The following EFCAB10 variants were observed in gnomAD, a reference collection of about 807,000 sequenced individuals.
The protein encoded by EFCAB10 is EF-hand calcium binding domain 10.
A neutral mutation model predicts 7.7 loss-of-function variants in EFCAB10; 7 were observed. The observed-to-expected ratio is 0.91, with a 90% CI of 0.52 to 1.72. The LOEUF (loss-of-function observed/expected upper bound fraction) is 1.72, where lower values mean the gene tolerates loss of function less well. Among genes scored for constraint, EFCAB10 ranks in the 40% most tolerant of loss-of-function variants. The pLI is 0.00. For missense variants in EFCAB10, 112 were observed against 61.5 expected (o/e 1.82, Z -2.74); for synonymous variants, 52 against 21.0 (o/e 2.47, Z -4.03).
intron 1 of EFCAB10, chr7:105,571,096 TA>T (rs1220513298): frequency 6.6e-6 from 1 of 152,172 alleles, no homozygotes; most frequent in African/African-American, 2.4e-5. Flanking sequence ...GACAGAAAAG[TA>T]AAATGAACCC....
rs1208980213 is a variant in EFCAB10, at chr7:105,569,627, A to G, written c.107-56T>C. 4 of 667,110 alleles carry G rather than the reference A, an allele frequency of 6.0e-6. No homozygotes were observed. The Admixed American group carries it at 9.2e-5, about 15-fold the overall frequency. 41.3% of individuals were successfully genotyped at this position (667,110 alleles called of 1,614,324 possible). A position where few individuals can be genotyped will look rare whatever the true frequency, so the allele number is the denominator to read the frequency against. On this transcript the variant is annotated intron_variant, in intron 1 of 4. Transcript: ENST00000480514. ...TACGAAATTAAAATATGTCGCAAAT[A>G]GAAGTAGTCATTTAACAATTATTAA...
At chr7:105,576,031 C>A (rs763335642) in intron 1 of EFCAB10, among the ~76,000 whole-genome samples, 6 of 152,042 alleles carry the variant, frequency 3.9e-5, no homozygotes, top group Non-Finnish European at 7.4e-5. Flanking sequence ...GAGCGAAACT[C>A]CGTCTCAACA....
chr7:105,569,067 C>T (rs1031007328), intron 3 of EFCAB10, 136 bp downstream of exon 3: 49 of 617,316 alleles, frequency 7.9e-5, no homozygotes, highest in Admixed American at 2.9e-5. Context: ...TACCTGTCCT[C>T]ACTTTCCAGT....
At chr7:105,581,010 A>C (rs566836960) in intron 1 of EFCAB10, among the ~76,000 whole-genome samples, 89 of 152,338 alleles carry the variant, frequency 5.8e-4, no homozygotes, top group Non-Finnish European at 9.4e-4. Context: ...ACCTGAGGTC[A>C]GGAGTTCGAG....
chr7:105,574,644 C>T (rs1792031024), intron 1 of EFCAB10, among the ~76,000 whole-genome samples: 1 of 151,912 alleles, frequency 6.6e-6, no homozygotes, highest in Non-Finnish European at 1.5e-5. Context: ...GCCACCATGC[C>T]CGGCTAATTT....
intron 1 of EFCAB10, among the ~76,000 whole-genome samples, chr7:105,570,306 C>G (rs1205520895): frequency 1.5e-5 from 2 of 132,580 alleles, no homozygotes; most frequent in African/African-American, 5.5e-5. Context: ...TACACACACA[C>G]ATATATATAA....
At chr7:105,565,715 CT>C in intron 4 of EFCAB10, 1 of 1,052,940 alleles carries the variant, frequency 9.5e-7, no homozygotes, top group Non-Finnish European at 1.4e-6. Flanking sequence ...CTCCTTTTAA[CT>C]TTAGGGTTCT....
Position 105,565,283 on chromosome 7 carries a change from G to C in EFCAB10, c.*164C>G. The C allele has an allele frequency of 6.3e-7, 1 of 1,585,758 alleles. No individual in the cohort carries two copies. Among genetic ancestry groups the C allele is most frequent in the South Asian group, 1.1e-5 (1 of 87,686 alleles). On this transcript the variant is annotated 3_prime_UTR_variant, in exon 5 of 5. Coordinates refer to ENST00000480514, the MANE Select transcript of EFCAB10 (RefSeq NM_001355526.2). ...AAAAATGTGTTTTTTCCAGATGGTT[G>C]TCCTTGCCATCTCAGTCAGAGCAGG... is the stretch of plus-strand genomic sequence containing the variant.
chr7:105,571,262 C>A (rs1033911720), intron 1 of EFCAB10: 8 of 152,174 alleles, frequency 5.3e-5, no homozygotes, highest in African/African-American at 1.9e-4. Flanking sequence ...TCAGTTGGTT[C>A]ATTTTATGCA....
intron 4 of EFCAB10, among the ~76,000 whole-genome samples, chr7:105,565,997 T>C (rs1342651551): frequency 6.6e-6 from 1 of 152,070 alleles, no homozygotes; most frequent in Non-Finnish European, 1.5e-5. Context: ...GGGCCGGGCG[T>C]GGTGGCTCAC....
At chr7:105,573,701 C>T (rs1287088839) in intron 1 of EFCAB10, 1 of 152,164 alleles carries the variant, frequency 6.6e-6, no homozygotes, top group Non-Finnish European at 1.5e-5. Context: ...TAATAGCTAT[C>T]TGAGCCCTTA....
Position 105,567,181 on chromosome 7 carries a change from T to C in EFCAB10, c.383+286A>G. ...GGTTCTGCACTACTGCTGAAAGATG[T>C]ACTGCAGTCAGCTTCAGGGCAGCTT... On this transcript the variant is annotated intron_variant, in intron 4 of 4. Transcript: ENST00000480514. 1 of 1,610,990 alleles carries C rather than the reference T, an allele frequency of 6.2e-7. No individual in the cohort carries two copies. The highest frequency in any genetic ancestry group is 1.3e-5 in the African/African-American group (1 of 74,848).
At chr7:105,580,961 T>G (rs771317211) in intron 1 of EFCAB10, among the ~76,000 whole-genome samples, 26 of 152,204 alleles carry the variant, frequency 1.7e-4, no homozygotes, top group Non-Finnish European at 3.1e-4. Flanking sequence ...GGCTCACGCC[T>G]ACAATCCCAG....
At position 105,569,423 on chromosome 7, in the gene EFCAB10, A is replaced by G. The variant is rs980224706; in HGVS notation, c.255T>C (p.Phe85=). ...TGTACTGACCTTCTTTATACTGCAC[A>G]AATGATATGGTGCCTCTGCCTGAGG... is the stretch of plus-strand genomic sequence containing the variant. ...MDSSGRGTIS[F]VQYKEALKTL... Residue 85 remains phenylalanine (F), a synonymous_variant, in exon 2 of 5, where the codon TTT becomes TTC. Transcript: ENST00000480514. The G allele has an allele frequency of 1.9e-5, 13 of 702,414 alleles. No homozygotes were observed. In the African/African-American group the frequency reaches 1.9e-4, roughly 10 times the overall value. The allele number at this position is 702,414 out of a possible 1,614,324, so 43.5% of individuals were successfully genotyped here.
At chr7:105,580,423 C>T (rs910229262) in intron 1 of EFCAB10, among the ~76,000 whole-genome samples, 3 of 152,148 alleles carry the variant, frequency 2.0e-5, no homozygotes, top group Admixed American at 2.0e-4. Context: ...CCACCCGCTT[C>T]GGCCTCCCAA....
intron 1 of EFCAB10, among the ~76,000 whole-genome samples, chr7:105,580,104 G>A (rs1196835478): frequency 6.6e-6 from 1 of 151,984 alleles, no homozygotes; most frequent in Non-Finnish European, 1.5e-5. Flanking sequence ...TCCCACATCA[G>A]CCTCTTGAGT....
intron 1 of EFCAB10, among the ~76,000 whole-genome samples, chr7:105,570,917 C>G (rs950045057): frequency 6.6e-6 from 1 of 151,788 alleles, no homozygotes; most frequent in Admixed American, 6.6e-5. Context: ...CCCAGCTACT[C>G]GGGAGGCTGA....
chr7:105,579,641 G>A (rs1017696068), intron 1 of EFCAB10, among the ~76,000 whole-genome samples: 1 of 152,174 alleles, frequency 6.6e-6, no homozygotes, highest in Non-Finnish European at 1.5e-5. Context: ...GTGGGAACAG[G>A]TGTATGAGGT....
rs371857680 is a variant in EFCAB10 at position 105,574,515 on chromosome 7, C to T, written c.107-4944G>A. 5.7e-4 allele frequency among the ~76,000 whole-genome samples: 87 copies of T among 151,662 alleles called. No homozygotes were observed. The East Asian group carries it at 0.015, about 26-fold the overall frequency. On this transcript the variant is annotated intron_variant, in intron 1 of 4. Coordinates refer to ENST00000480514, the MANE Select transcript of EFCAB10 (RefSeq NM_001355526.2). ...TCCTTTTTTTTTTGAGACGGAATCT[C>T]GCTCTGTTGCCCAGGCTGGAGTGCA...
Sources: allele counts gnomAD v4.1 joint callset (sites outside exome capture counted in the v4.1 genomes callset), GRCh38; gene constraint gnomAD v4.1.1; transcripts MANE v1.5; gene names NCBI Gene and HGNC (gene_info 2026-07-23, HGNC 2026-07-21).